The following SLC14A2 variants were observed in gnomAD, a reference collection of about 807,000 sequenced individuals.
SLC14A2 encodes the protein urea transporter 2.
Under a neutral mutation model 104.6 loss-of-function variants are expected in SLC14A2, and 91 were observed. The observed-to-expected ratio is 0.87, with a 90% CI of 0.73 to 1.04. The LOEUF (loss-of-function observed/expected upper bound fraction) is 1.04, where lower values mean the gene tolerates loss of function less well. Ranked by LOEUF, SLC14A2 falls within the 50% of genes least tolerant of loss-of-function variation. The pLI, the probability that SLC14A2 is intolerant of heterozygous loss-of-function variation, is 0.00. For synonymous variants in SLC14A2, 476 were observed against 466.4 expected, an observed-to-expected ratio of 1.02 and a Z score of -0.27; for missense variants, 1,189 against 1,156.0, an observed-to-expected ratio of 1.03 and a Z score of -0.41.
chr18:45,439,966 G>T (rs1482600216), intron 1 of SLC14A2, among the ~76,000 whole-genome samples: 4 of 152,192 alleles, frequency 2.6e-5, no homozygotes, highest in African/African-American at 9.7e-5. Flanking sequence ...TGGAAAGCTA[G>T]TTGCAGTGCC....
intron 2 of SLC14A2, among the ~76,000 whole-genome samples, chr18:45,599,262 C>A (rs1478132094): frequency 1.3e-5 from 2 of 152,204 alleles, no homozygotes; most frequent in Non-Finnish European, 2.9e-5. Context: ...ATAACCAGCA[C>A]AATTACTGCC....
chr18:45,500,037 AG>A (rs550694401), intron 2 of SLC14A2, among the ~76,000 whole-genome samples: 74 of 152,340 alleles, frequency 4.9e-4, no homozygotes, highest in African/African-American at 1.8e-3. Context: ...ATTAGACTCC[AG>A]TGAGTTAATC....
At chr18:45,285,330 T>C (rs1395743407) in intron 1 of SLC14A2, among the ~76,000 whole-genome samples, 1 of 152,238 alleles carries the variant, frequency 6.6e-6, no homozygotes, top group Non-Finnish European at 1.5e-5. Flanking sequence ...ATTTACTGTA[T>C]ATGAATTACA....
chr18:45,285,358 C>T (rs2084802947), intron 1 of SLC14A2, among the ~76,000 whole-genome samples: 1 of 152,186 alleles, frequency 6.6e-6, no homozygotes, highest in South Asian at 2.1e-4. Context: ...TACTGGACTA[C>T]AGTGGAGAAC....
At chr18:45,363,682 G>T (rs926318810) in intron 1 of SLC14A2, among the ~76,000 whole-genome samples, 2 of 152,194 alleles carry the variant, frequency 1.3e-5, no homozygotes, top group Non-Finnish European at 2.9e-5. Context: ...AAACTCAGAG[G>T]TTTATTCCTG....
chr18:45,553,125 T>C (rs2144288078), intron 2 of SLC14A2, among the ~76,000 whole-genome samples: 1 of 152,312 alleles, frequency 6.6e-6, no homozygotes, highest in Admixed American at 6.5e-5. Context: ...CTGTTTGTCA[T>C]TTAATAACCT....
intron 2 of SLC14A2, among the ~76,000 whole-genome samples, chr18:45,491,526 T>C (rs2043000234): frequency 6.6e-6 from 1 of 152,220 alleles, no homozygotes; most frequent in South Asian, 2.1e-4. Flanking sequence ...CTATAGTGTT[T>C]TATTTCTTTA....
chr18:45,674,388 A>T (rs2046192330), intron 18 of SLC14A2, among the ~76,000 whole-genome samples: 1 of 152,184 alleles, frequency 6.6e-6, no homozygotes, highest in Non-Finnish European at 1.5e-5. Flanking sequence ...TTTATAATAA[A>T]AATTTTCCAA....
intron 1 of SLC14A2, among the ~76,000 whole-genome samples, chr18:45,282,953 G>A (rs918417361): frequency 4.6e-5 from 7 of 152,118 alleles, no homozygotes; most frequent in Admixed American, 1.3e-4. Context: ...TAAAATATGC[G>A]TAGGGTGTGA....
At chr18:45,474,511 CT>C (rs34647704) in intron 1 of SLC14A2, among the ~76,000 whole-genome samples, 1 of 152,034 alleles carries the variant, frequency 6.6e-6, no homozygotes, top group African/African-American at 2.4e-5. Context: ...CGGTCCTGGG[CT>C]TTTTTTGGTT....
intron 8 of SLC14A2, among the ~76,000 whole-genome samples, chr18:45,641,866 C>A (rs1178859545): frequency 6.6e-6 from 1 of 152,220 alleles, no homozygotes; most frequent in Admixed American, 6.5e-5. Context: ...AGCTCGATTT[C>A]CATAAACAGA....
chr18:45,507,675 G>C (rs1025401331), intron 2 of SLC14A2, among the ~76,000 whole-genome samples: 1 of 152,172 alleles, frequency 6.6e-6, no homozygotes, highest in Non-Finnish European at 1.5e-5. Context: ...GCAGAAAAAT[G>C]CAGAGGAGCT....
At chr18:45,555,843 G>C (rs1173962413) in intron 2 of SLC14A2, among the ~76,000 whole-genome samples, 2 of 152,184 alleles carry the variant, frequency 1.3e-5, no homozygotes, top group African/African-American at 4.8e-5. Context: ...GGGATTCTGG[G>C]GGTGTAAACA....
intron 1 of SLC14A2, among the ~76,000 whole-genome samples, chr18:45,618,256 C>A (rs981895259): frequency 6.6e-6 from 1 of 152,218 alleles, no homozygotes; most frequent in African/African-American, 2.4e-5. Context: ...TGGAAACTCT[C>A]CTTGCATCAA....
intron 1 of SLC14A2, among the ~76,000 whole-genome samples, chr18:45,381,077 A>G (rs899407458): frequency 6.6e-6 from 1 of 152,190 alleles, no homozygotes; most frequent in East Asian, 1.9e-4. Context: ...AATCTCACCT[A>G]TAGCTTCATA....
intron 1 of SLC14A2, among the ~76,000 whole-genome samples, chr18:45,464,356 A>T (rs918854924): frequency 3.3e-5 from 5 of 152,132 alleles, no homozygotes; most frequent in Non-Finnish European, 4.4e-5. Flanking sequence ...TCTGAGAGAG[A>T]GTGTGTCAGG....
intron 1 of SLC14A2, among the ~76,000 whole-genome samples, chr18:45,274,906 C>T (rs1599634921): frequency 6.6e-6 from 1 of 152,200 alleles, no homozygotes; most frequent in Non-Finnish European, 1.5e-5. Context: ...TTTTTCTAGA[C>T]TTGATTCCCT....
intron 1 of SLC14A2, among the ~76,000 whole-genome samples, chr18:45,323,430 T>C (rs1176880726): frequency 6.6e-6 from 1 of 152,170 alleles, no homozygotes. Context: ...CCATAAAGAT[T>C]TAACAAGTCT....
At chr18:45,309,383 G>C (rs920598318) in intron 1 of SLC14A2, among the ~76,000 whole-genome samples, 1 of 151,144 alleles carries the variant, frequency 6.6e-6, no homozygotes, top group Non-Finnish European at 1.5e-5. Context: ...AGGCTGGAGT[G>C]GTGCAATCAT....
Sources: gnomAD v4.1 joint callset for allele counts (sites outside exome capture counted in the v4.1 genomes callset) on GRCh38, gnomAD v4.1.1 for gene constraint, MANE v1.5 for transcripts, NCBI Gene and HGNC (gene_info 2026-07-23, HGNC 2026-07-21) for gene names.